MTFR1: variants seen among roughly 807,000 people sequenced by gnomAD.
MTFR1 encodes mitochondrial fission regulator 1.
Under a neutral mutation model 38.8 loss-of-function variants are expected in MTFR1, and 28 were observed. That is an observed-to-expected ratio of 0.72 (90% CI 0.53 to 0.99). The LOEUF (loss-of-function observed/expected upper bound fraction) is 0.99. MTFR1 is among the 50% of genes least tolerant of loss of function. The pLI is 0.00. For synonymous variants in MTFR1, 145 were observed against 137.0 expected (o/e 1.06, Z -0.41); for missense variants, 358 against 395.5 (o/e 0.91, Z 0.81).
chr8:65,721,926 A>T (rs1228176991), intron 3 of MTFR1: 1 of 149,950 alleles, frequency 6.7e-6, no homozygotes, highest in Non-Finnish European at 1.5e-5. Context: ...CTCCTATCTC[A>T]GCCTCCCAAG....
intron 1 of MTFR1, among the ~76,000 whole-genome samples, chr8:65,648,509 A>C (rs1809028075): frequency 6.6e-6 from 1 of 152,218 alleles, no homozygotes; most frequent in Non-Finnish European, 1.5e-5. Flanking sequence ...TCCACCTCTG[A>C]AACAATTCCT....
rs1808900722 is a variant in MTFR1, at chr8:65,644,739, A to G, written c.-126A>G. On this transcript the variant is annotated 5_prime_UTR_variant, in exon 1 of 8. Transcript: ENST00000262146. ...AGCAACGCCACGGGACAGCCAAGCT[A>G]GAAGCCTGAGGAGCCGGAGAGGGTG... 2 of 152,442 alleles carry G rather than the reference A, an allele frequency of 1.3e-5. No homozygotes were observed. The highest frequency in any genetic ancestry group is 4.1e-4 in the South Asian group (2 of 4,832). 9.4% of individuals were successfully genotyped at this position (152,442 alleles called of 1,614,324 possible).
At chr8:65,669,204 A>G (rs2129050991) in intron 1 of MTFR1, among the ~76,000 whole-genome samples, 1 of 152,278 alleles carries the variant, frequency 6.6e-6, no homozygotes, top group Admixed American at 6.5e-5. Flanking sequence ...ATGGACCAGT[A>G]CAGACAGCAT....
chr8:65,655,950 AAATATATATATATATATACC>A (rs1244023523), intron 1 of MTFR1, among the ~76,000 whole-genome samples: 1 of 30,758 alleles, frequency 3.3e-5, no homozygotes, highest in Admixed American at 2.6e-4. Context: ...TTAAAAAAAA[AAATATATATATATATATACC>A]ATATATATAT....
intron 1 of MTFR1, among the ~76,000 whole-genome samples, chr8:65,649,537 G>A (rs1046438873): frequency 2.0e-5 from 3 of 152,008 alleles, no homozygotes; most frequent in African/African-American, 7.3e-5. Context: ...ATGTATTTAT[G>A]GGGTACGTGA....
chr8:65,720,666 C>T (rs929286359), intron 3 of MTFR1: 1 of 152,250 alleles, frequency 6.6e-6, no homozygotes, highest in Non-Finnish European at 1.5e-5. Flanking sequence ...TACTATGTCC[C>T]CGGCACTATG....
intron 2 of MTFR1, among the ~76,000 whole-genome samples, chr8:65,673,350 TAACGTCAAA>T (rs1282298198): frequency 7.0e-6 from 1 of 143,716 alleles, no homozygotes; most frequent in Non-Finnish European, 1.5e-5. Flanking sequence ...TAGTAACAAA[TAACGTCAAA>T]GATCACCACT....
intron 3 of MTFR1, among the ~76,000 whole-genome samples, chr8:65,683,820 C>T (rs1012661545): frequency 2.6e-5 from 4 of 151,838 alleles, no homozygotes; most frequent in African/African-American, 4.8e-5. Context: ...CCACTGCACC[C>T]GGCTGCCTTT....
chr8:65,645,066 A>G (rs986776956), intron 1 of MTFR1, among the ~76,000 whole-genome samples: 4 of 152,166 alleles, frequency 2.6e-5, no homozygotes, highest in African/African-American at 9.7e-5. Context: ...CCACCCGCCA[A>G]TCTACCCCTA....
chr8:65,757,838 C>T (rs1274116062), intron 3 of MTFR1, among the ~76,000 whole-genome samples: 5 of 152,138 alleles, frequency 3.3e-5, no homozygotes, highest in East Asian at 3.8e-4. Context: ...AGGCTGGTCT[C>T]GATCTCCTGA....
chr8:65,730,188 T>C lies in MTFR1; in HGVS notation c.*48+10707T>C, dbSNP rs1022360268. Among the ~76,000 whole-genome samples the C allele has an allele frequency of 2.8e-4, 38 of 137,202 alleles. 1 individual carries two copies. Among genetic ancestry groups the C allele is most frequent in the African/African-American group, 8.8e-4 (32 of 36,268 alleles). The allele number at this position is 137,202 out of a possible 152,430, so 90.0% of individuals were successfully genotyped here. On this transcript the variant is annotated intron_variant, in intron 3 of 3. Coordinates refer to the MTFR1 transcript ENST00000521247. ...GCGCACTTCTTTTTTTTTTTTTTTT[T>C]TTTTTTTTTGAGATGGAGTTTCGCT...
At chr8:65,775,183 C>CT (rs1446939943), downstream of MTFR1, among the ~76,000 whole-genome samples, 1 of 152,198 alleles carries the variant, frequency 6.6e-6, no homozygotes, top group Non-Finnish European at 1.5e-5. Context: ...TCCATTCAAT[C>CT]TTTAAGTTAG....
At chr8:65,664,778 G>C (rs1804326979) in intron 1 of MTFR1, among the ~76,000 whole-genome samples, 1 of 150,876 alleles carries the variant, frequency 6.6e-6, no homozygotes, top group Admixed American at 6.6e-5. Context: ...TGTGGAGATG[G>C]GATTTTGCTA....
intron 2 of MTFR1, among the ~76,000 whole-genome samples, chr8:65,677,378 C>G (rs968407525): frequency 1.4e-5 from 2 of 141,518 alleles, no homozygotes; most frequent in African/African-American, 5.2e-5. Context: ...CCCTGTTTAG[C>G]TGTTTCTTTT....
chr8:65,753,118 T>C (rs1353130866), intron 3 of MTFR1, among the ~76,000 whole-genome samples: 2 of 152,230 alleles, frequency 1.3e-5, no homozygotes, highest in East Asian at 1.9e-4. Context: ...ATCAGTTCTA[T>C]GGCAGCACTA....
chr8:65,768,080 C>T (rs1808884620), intron 3 of MTFR1, among the ~76,000 whole-genome samples: 1 of 152,114 alleles, frequency 6.6e-6, no homozygotes, highest in Non-Finnish European at 1.5e-5. Flanking sequence ...GTGTCCACCG[C>T]TTGGTGTGTT....
At chr8:65,734,662 C>T in intron 3 of MTFR1, 1 of 589,522 alleles carries the variant, frequency 1.7e-6, no homozygotes. Context: ...AAACTTGATC[C>T]AGCTAGATCT....
At chr8:65,686,564 A>G (rs1398810633) in intron 3 of MTFR1, among the ~76,000 whole-genome samples, 1 of 141,158 alleles carries the variant, frequency 7.1e-6, no homozygotes, top group Non-Finnish European at 1.5e-5. Flanking sequence ...TGGGCGAAAG[A>G]GCGAGACTCC....
At chr8:65,712,327 C>G (rs997271384), downstream of MTFR1, among the ~76,000 whole-genome samples, 1 of 152,210 alleles carries the variant, frequency 6.6e-6, no homozygotes, top group Non-Finnish European at 1.5e-5. Flanking sequence ...CCCCTGCCTT[C>G]CCTTCTGCAA....
Sources: allele counts gnomAD v4.1 joint callset (sites outside exome capture counted in the v4.1 genomes callset), GRCh38; gene constraint gnomAD v4.1.1; transcripts MANE v1.5; gene names NCBI Gene and HGNC (gene_info 2026-07-23, HGNC 2026-07-21).